The following FANCC variants were observed in gnomAD, a reference collection of about 807,000 sequenced individuals.
FANCC encodes the protein Fanconi anemia group C protein.
A neutral mutation model predicts 71.3 loss-of-function variants in FANCC; 55 were observed. That is an observed-to-expected ratio of 0.77 (90% CI 0.62 to 0.97). The LOEUF (loss-of-function observed/expected upper bound fraction) is 0.97, where lower values mean the gene tolerates loss of function less well. FANCC is among the 50% of genes least tolerant of loss of function. The pLI is 0.00. For missense variants in FANCC, 678 were observed against 670.9 expected, an observed-to-expected ratio of 1.01 and a Z score of -0.12; for synonymous variants, 275 against 244.9, an observed-to-expected ratio of 1.12 and a Z score of -1.15.
In FANCC at chr9:95,150,106, A is replaced by G. The variant is rs1564698050; in HGVS notation, c.522-19T>C. On this transcript the variant is annotated intron_variant, in intron 6 of 14. Transcript: ENST00000289081. ...AGCCATTCTATGGAAGAAATAAGAA[A>G]TAATCACTCAAATCTAAGAGCCATG... The G allele has an allele frequency of 6.2e-7, 1 of 1,613,784 alleles. No individual in the cohort carries two copies. Among genetic ancestry groups the G allele is most frequent in the Non-Finnish European group, 8.5e-7 (1 of 1,179,828 alleles).
chr9:95,165,071 A>C (rs571761864), intron 6 of FANCC, among the ~76,000 whole-genome samples: 2 of 152,090 alleles, frequency 1.3e-5, no homozygotes, highest in South Asian at 4.1e-4. Flanking sequence ...TTGGTATATA[A>C]TTGTTCATAG....
At chr9:95,212,107 A>G (rs1828542971) in intron 4 of FANCC, among the ~76,000 whole-genome samples, 2 of 152,168 alleles carry the variant, frequency 1.3e-5, no homozygotes, top group Non-Finnish European at 2.9e-5. Flanking sequence ...TATGACAAGA[A>G]CCTCAATGAT....
Position 95,101,591 on chromosome 9 carries a change from T to C in FANCC, c.*116A>G, listed in dbSNP as rs7048910. 1 of 1,285,906 alleles carries C rather than the reference T, an allele frequency of 7.8e-7. No individual in the cohort carries two copies. The allele number at this position is 1,285,906 out of a possible 1,614,324, so 79.7% of individuals were successfully genotyped here. A position where few individuals can be genotyped will look rare whatever the true frequency, so the allele number is the denominator to read the frequency against. On this transcript the variant is annotated 3_prime_UTR_variant, in exon 15 of 15. Coordinates refer to ENST00000289081, the MANE Select transcript of FANCC (RefSeq NM_000136.3). ...GTCCCAAGATGTGTACAGCTCATTCTCACAGCCCAGCGAGGGCACTTACTC... is the reference window on the plus strand; with the variant it reads ...GTCCCAAGATGTGTACAGCTCATTCCCACAGCCCAGCGAGGGCACTTACTC...
chr9:95,121,661 C>T (rs2072890179), intron 10 of FANCC, among the ~76,000 whole-genome samples: 1 of 152,186 alleles, frequency 6.6e-6, no homozygotes, highest in Non-Finnish European at 1.5e-5. Flanking sequence ...TACTTCCCCA[C>T]AGCCACACAT....
chr9:95,138,722 G>C (rs771013800), intron 7 of FANCC, among the ~76,000 whole-genome samples: 6 of 152,214 alleles, frequency 3.9e-5, no homozygotes, highest in Non-Finnish European at 7.3e-5. Context: ...GGTGGTGGTG[G>C]GGAAGCTGCT....
chr9:95,140,048 A>C (rs1828403776), intron 7 of FANCC, among the ~76,000 whole-genome samples: 1 of 152,070 alleles, frequency 6.6e-6, no homozygotes, highest in African/African-American at 2.4e-5. Context: ...GAATTCAAGA[A>C]AACAGAGTAA....
At chr9:95,133,236 G>A (rs991954857) in intron 8 of FANCC, among the ~76,000 whole-genome samples, 3 of 152,194 alleles carry the variant, frequency 2.0e-5, no homozygotes, top group African/African-American at 7.2e-5. Flanking sequence ...CCAGGATGCT[G>A]AGGAGAACAG....
chr9:95,288,628 T>C (rs1339833722), intron 1 of FANCC, among the ~76,000 whole-genome samples: 2 of 152,216 alleles, frequency 1.3e-5, no homozygotes, highest in Non-Finnish European at 2.9e-5. Flanking sequence ...CCCTGACGTC[T>C]TGGTTACCAA....
chr9:95,121,282 G>C (rs2072858874), intron 10 of FANCC, among the ~76,000 whole-genome samples: 1 of 152,122 alleles, frequency 6.6e-6, no homozygotes. Context: ...CCTACTGTCT[G>C]ATAGGGCATA....
Position 95,292,886 on chromosome 9 carries a change from A to G in FANCC, c.-79+24640T>C, listed in dbSNP as rs558137033. ...CAGAATGGGACCTGAAAAGACTTGC[A>G]GAGGACTGTGGCAAGACCTTCCGGT... On this transcript the variant is annotated intron_variant, in intron 1 of 14. Transcript: ENST00000289081. 47 of 1,585,784 alleles carry G rather than the reference A, an allele frequency of 3.0e-5. No individual in the cohort carries two copies. The East Asian group carries it at 8.7e-4, about 29-fold the overall frequency.
intron 13 of FANCC, chr9:95,109,592 T>C (rs969936605): frequency 6.6e-6 from 1 of 152,212 alleles, no homozygotes; most frequent in African/African-American, 2.4e-5. Context: ...AAGGGTGGCT[T>C]GCCCATGAGT....
chr9:95,221,474 A>T (rs1281575422), intron 4 of FANCC, among the ~76,000 whole-genome samples: 1 of 152,210 alleles, frequency 6.6e-6, no homozygotes, highest in Non-Finnish European at 1.5e-5. Flanking sequence ...GAATTATAAT[A>T]GAAAAAAATG....
chr9:95,164,738 T>C (rs1310233378), intron 6 of FANCC, among the ~76,000 whole-genome samples: 4 of 152,180 alleles, frequency 2.6e-5, no homozygotes. Context: ...ACGAAGGATA[T>C]TAATCTGTTT....
intron 1 of FANCC, among the ~76,000 whole-genome samples, chr9:95,283,135 T>C (rs546934189): frequency 6.6e-6 from 1 of 152,342 alleles, no homozygotes; most frequent in African/African-American, 2.4e-5. Context: ...CAGACTGGTG[T>C]GCAGTGGCAC....
At chr9:95,246,099 C>T (rs1699499) in intron 3 of FANCC, among the ~76,000 whole-genome samples, 149,932 of 152,320 alleles carry the variant, frequency 0.98, 73,802 homozygotes, top group East Asian at 1. Context: ...TCAAAGATGT[C>T]TGAGAAACAC....
At chr9:95,147,343 C>G (rs974563710) in intron 7 of FANCC, among the ~76,000 whole-genome samples, 1 of 152,090 alleles carries the variant, frequency 6.6e-6, no homozygotes, top group Admixed American at 6.6e-5. Flanking sequence ...CATGGAAAAC[C>G]CTGTCTCTAC....
intron 11 of FANCC, among the ~76,000 whole-genome samples, chr9:95,116,540 G>A (rs2072436472): frequency 6.6e-6 from 1 of 152,214 alleles, no homozygotes; most frequent in African/African-American, 2.4e-5. Flanking sequence ...AAAAGGAAAT[G>A]TGACTGGCTC....
At chr9:95,126,184 A>G (rs1825949889) in intron 9 of FANCC, among the ~76,000 whole-genome samples, 2 of 152,220 alleles carry the variant, frequency 1.3e-5, no homozygotes. Context: ...GTCAGCCCTC[A>G]CATGGTGAAG....
intron 1 of FANCC, among the ~76,000 whole-genome samples, chr9:95,285,137 G>T (rs1008475903): frequency 2.0e-5 from 3 of 151,890 alleles, no homozygotes; most frequent in Non-Finnish European, 2.9e-5. Flanking sequence ...TAATATAAAG[G>T]AATTGAGAAA....
Sources: allele counts gnomAD v4.1 joint callset (sites outside exome capture counted in the v4.1 genomes callset), GRCh38; gene constraint gnomAD v4.1.1; transcripts MANE v1.5; gene names NCBI Gene and HGNC (gene_info 2026-07-23, HGNC 2026-07-21).